Variants in FBLN5 observed in about 807,000 individuals in gnomAD.
The protein encoded by FBLN5 is fibulin 5, also known as fibulin-5.
FBLN5 carries 24 observed loss-of-function variants against 61.6 expected under a neutral mutation model. The ratio of observed to expected loss-of-function variants is 0.39; its 90% CI spans 0.28 to 0.55. FBLN5 has a LOEUF of 0.55. Among genes scored for constraint, FBLN5 ranks in the 20% least tolerant of loss-of-function variants. The pLI is 0.65. For missense variants in FBLN5, 470 were observed against 594.1 expected (o/e 0.79, Z 2.17); for synonymous variants, 213 against 219.8 (o/e 0.97, Z 0.27).
Position 91,894,981 on chromosome 14 carries a change from G to A in FBLN5, c.471C>T (p.Asp157=), listed in dbSNP as rs57261194. 104 of 1,614,120 alleles carry A rather than the reference G, an allele frequency of 6.4e-5. 1 individual carries two copies. In the African/African-American group the frequency reaches 7.2e-4, roughly 11 times the overall value. Residue 157 remains aspartate, a synonymous_variant, in exon 5 of 11, where the codon GAC becomes GAT. Transcript: ENST00000342058. The part of the protein sequence containing the change: ...TEGGYTCSCT[D]GYWLLEGQCL... ...ACTGGCCTTCCAGAAGCCAATATCC[G>A]TCGGTGCAGGAGCAGGTGTACCCGC...
intron 5 of FBLN5, among the ~76,000 whole-genome samples, chr14:91,893,962 C>T (rs1035943864): frequency 2.6e-5 from 4 of 152,236 alleles, no homozygotes; most frequent in African/African-American, 9.6e-5. Flanking sequence ...AAAGTGTTCC[C>T]TTCTCTTAGC....
intron 3 of FBLN5, among the ~76,000 whole-genome samples, chr14:91,937,487 C>T (rs1272627521): frequency 6.6e-6 from 1 of 152,046 alleles, no homozygotes; most frequent in African/African-American, 2.4e-5. Flanking sequence ...GAAACTTAAT[C>T]CCCAGTGTTG....
At chr14:91,888,548 G>T (rs1042182767) in intron 6 of FBLN5, among the ~76,000 whole-genome samples, 6 of 150,886 alleles carry the variant, frequency 4.0e-5, no homozygotes, top group Admixed American at 2.0e-4. Context: ...GGCAGAGGTT[G>T]CAGTGAGCTG....
chr14:91,891,775 T>C (rs1404271122), intron 5 of FBLN5, among the ~76,000 whole-genome samples: 1 of 152,174 alleles, frequency 6.6e-6, no homozygotes, highest in Non-Finnish European at 1.5e-5. Context: ...AGATTCCATA[T>C]AGAGGCTCCA....
Position 91,887,286 on chromosome 14 carries a change from G to C in FBLN5, c.646C>G (p.Pro216Ala), listed in dbSNP as rs147365284. Residue 216 changes from proline (P) to alanine (A), a missense_variant, in exon 7 of 11, where the codon CCC (proline) becomes GCC (alanine). By Grantham distance (27) the Pro-to-Ala change is conservative. Coordinates refer to ENST00000342058, the MANE Select transcript of FBLN5 (RefSeq NM_006329.4). Reference sequence around the variant, plus strand: ...GTGTTGACGCAGGTTTGCACGCAGGGGTTCTCGGTGGCACACTCGTTCACA... The same window carrying C: ...GTGTTGACGCAGGTTTGCACGCAGGCGTTCTCGGTGGCACACTCGTTCACA... ...QDVNECATEN[P>A]CVQTCVNTYG... 5 of 1,613,496 alleles carry C rather than the reference G, an allele frequency of 3.1e-6. No individual in the cohort carries two copies. In the East Asian group the frequency reaches 8.9e-5, roughly 29 times the overall value.
intron 4 of FBLN5, among the ~76,000 whole-genome samples, chr14:91,895,446 C>T (rs747726018): frequency 2.6e-5 from 4 of 152,152 alleles, no homozygotes; most frequent in Non-Finnish European, 5.9e-5. Context: ...GGGTCTGCTG[C>T]GTACCTACTG....
At chr14:91,906,745 G>A (rs891133661) in intron 4 of FBLN5, among the ~76,000 whole-genome samples, 1 of 152,230 alleles carries the variant, frequency 6.6e-6, no homozygotes, top group African/African-American at 2.4e-5. Flanking sequence ...CCAACCAGCT[G>A]GCTGACCTGC....
intron 4 of FBLN5, among the ~76,000 whole-genome samples, chr14:91,904,504 T>C (rs1409806830): frequency 6.6e-6 from 1 of 152,234 alleles, no homozygotes; most frequent in Non-Finnish European, 1.5e-5. Context: ...AGTTCTAAAA[T>C]ACTATGCGTG....
intron 4 of FBLN5, among the ~76,000 whole-genome samples, chr14:91,930,713 T>A (rs1314945097): frequency 6.6e-6 from 1 of 152,104 alleles, no homozygotes; most frequent in African/African-American, 2.4e-5. Flanking sequence ...GGGGCTGAGG[T>A]TCCTACTTGC....
At chr14:91,912,324 C>T (rs1197213272) in intron 4 of FBLN5, among the ~76,000 whole-genome samples, 1 of 152,112 alleles carries the variant, frequency 6.6e-6, no homozygotes, top group African/African-American at 2.4e-5. Flanking sequence ...TAGCGAGACC[C>T]TGTCTCTACA....
At chr14:91,898,804 T>C (rs1330029425) in intron 4 of FBLN5, among the ~76,000 whole-genome samples, 1 of 139,224 alleles carries the variant, frequency 7.2e-6, no homozygotes, top group African/African-American at 2.7e-5. Flanking sequence ...TTCTTTTTTT[T>C]TTTTTTTTTT....
At chr14:91,877,174 C>T (rs1241960525) in intron 10 of FBLN5, among the ~76,000 whole-genome samples, 2 of 152,180 alleles carry the variant, frequency 1.3e-5, no homozygotes, top group East Asian at 3.9e-4. Context: ...ATACTTGTCA[C>T]ATGGGTTGGT....
chr14:91,911,877 C>T (rs1890960152), intron 4 of FBLN5, among the ~76,000 whole-genome samples: 2 of 151,638 alleles, frequency 1.3e-5, no homozygotes, highest in African/African-American at 4.8e-5. Flanking sequence ...ACCTTGTAGA[C>T]CTATTAGCAA....
intron 4 of FBLN5, among the ~76,000 whole-genome samples, chr14:91,916,543 T>C (rs2140016225): frequency 1.3e-5 from 2 of 152,312 alleles, no homozygotes; most frequent in South Asian, 4.1e-4. Context: ...TAACTTTCAA[T>C]GAAAGGGAGA....
intron 6 of FBLN5, among the ~76,000 whole-genome samples, chr14:91,887,915 G>A (rs1889801124): frequency 6.6e-6 from 1 of 152,168 alleles, no homozygotes; most frequent in African/African-American, 2.4e-5. Context: ...TGTGGTGGTG[G>A]TGGTTTCATG....
intron 3 of FBLN5, among the ~76,000 whole-genome samples, chr14:91,939,082 G>A (rs899956607): frequency 1.3e-5 from 2 of 152,128 alleles, no homozygotes; most frequent in African/African-American, 4.8e-5. Context: ...GCATGGTGAC[G>A]TTAGCTCAGA....
At chr14:91,921,278 C>G (rs1237683049) in intron 4 of FBLN5, among the ~76,000 whole-genome samples, 2 of 152,180 alleles carry the variant, frequency 1.3e-5, no homozygotes, top group African/African-American at 4.8e-5. Flanking sequence ...CAATGCTTGT[C>G]CTTCTTCCCT....
chr14:91,880,514 G>T (rs2498845), intron 9 of FBLN5, among the ~76,000 whole-genome samples: 108,653 of 150,150 alleles, frequency 0.72, 39,207 homozygotes, highest in East Asian at 0.84. Flanking sequence ...GAACTCTGTG[G>T]GAGTGTGCGT....
At chr14:91,921,155 T>C (rs951711127) in intron 4 of FBLN5, among the ~76,000 whole-genome samples, 2 of 152,210 alleles carry the variant, frequency 1.3e-5, no homozygotes, top group Non-Finnish European at 2.9e-5. Flanking sequence ...ATCCATGTAA[T>C]CTTTACCCAA....
Sources: gnomAD v4.1 joint callset for allele counts (sites outside exome capture counted in the v4.1 genomes callset) on GRCh38, gnomAD v4.1.1 for gene constraint, MANE v1.5 for transcripts, NCBI Gene and HGNC (gene_info 2026-07-23, HGNC 2026-07-21) for gene names.